SUPT3H: variants seen among roughly 807,000 people sequenced by gnomAD.
SUPT3H encodes the protein SPT3 homolog, SAGA and STAGA complex component, also known as transcription initiation protein SPT3 homolog.
In SUPT3H, 44 loss-of-function variants were observed where a neutral mutation model predicts 44.3. That is an observed-to-expected ratio of 0.99 (90% CI 0.78 to 1.28). The LOEUF is 1.28. Ranked by LOEUF, SUPT3H falls within the 50% of genes most tolerant of loss-of-function variation. The pLI, the probability that SUPT3H is intolerant of heterozygous loss-of-function variation, is 0.00. For missense variants in SUPT3H, 380 were observed against 387.1 expected (o/e 0.98, Z 0.15); for synonymous variants, 124 against 125.6 (o/e 0.99, Z 0.09).
chr6:45,181,828 G>A (rs1813271985), intron 2 of SUPT3H, among the ~76,000 whole-genome samples: 1 of 151,172 alleles, frequency 6.6e-6, no homozygotes, highest in East Asian at 1.9e-4. Context: ...TAACTAACCT[G>A]CACATTGTGC....
At chr6:45,195,627 ATTTG>A (rs1443640339) in intron 2 of SUPT3H, among the ~76,000 whole-genome samples, 1 of 152,152 alleles carries the variant, frequency 6.6e-6, no homozygotes, top group Non-Finnish European at 1.5e-5. Context: ...GATATGATCG[ATTTG>A]TTTTTCATTT....
intron 2 of SUPT3H, among the ~76,000 whole-genome samples, chr6:45,297,617 C>G (rs1170433380): frequency 3.3e-5 from 5 of 152,058 alleles, no homozygotes; most frequent in Non-Finnish European, 5.9e-5. Context: ...TTCTGGGAAC[C>G]AATAAATTGT....
rs139030428 is a variant in SUPT3H at position 44,950,266 on chromosome 6, G to C, written c.801+3044C>G. Among the ~76,000 whole-genome samples the C allele has an allele frequency of 2.1e-3, 325 of 152,224 alleles. 1 individual carries two copies. The highest frequency in any genetic ancestry group is 7.5e-3 in the African/African-American group (311 of 41,526). On this transcript the variant is annotated intron_variant, in intron 9 of 10. Coordinates refer to ENST00000371459, the MANE Select transcript of SUPT3H (RefSeq NM_003599.4). ...TTTAGACATGCTCCACTGTGTCAAT[G>C]TCCATTCTATAGGATGATGCCCAAT...
chr6:44,911,638 A>C (rs1320989815), intron 10 of SUPT3H, among the ~76,000 whole-genome samples: 1 of 152,216 alleles, frequency 6.6e-6, no homozygotes, highest in African/African-American at 2.4e-5. Flanking sequence ...ATTTTAAAGA[A>C]GGTATTCACA....
At chr6:45,263,628 TA>T (rs1039816714) in intron 2 of SUPT3H, among the ~76,000 whole-genome samples, 1 of 152,026 alleles carries the variant, frequency 6.6e-6, no homozygotes, top group Non-Finnish European at 1.5e-5. Context: ...CCCCTGAATC[TA>T]AAATAAAATT....
chr6:45,233,420 C>T (rs1435791878), intron 2 of SUPT3H, among the ~76,000 whole-genome samples: 3 of 152,200 alleles, frequency 2.0e-5, no homozygotes, highest in Non-Finnish European at 4.4e-5. Context: ...AGCGTGAGTA[C>T]CCTGTCCAGT....
intron 6 of SUPT3H, among the ~76,000 whole-genome samples, chr6:44,977,082 A>G (rs1778440275): frequency 6.6e-6 from 1 of 152,264 alleles, no homozygotes; most frequent in Admixed American, 6.5e-5. Flanking sequence ...GGCCTAGTTC[A>G]TAAGCAAGAA....
chr6:45,137,693 T>C (rs1804533870), intron 2 of SUPT3H, among the ~76,000 whole-genome samples: 1 of 151,812 alleles, frequency 6.6e-6, no homozygotes, highest in Non-Finnish European at 1.5e-5. Flanking sequence ...CTAAAAAATA[T>C]TTATTTAACA....
intron 3 of SUPT3H, among the ~76,000 whole-genome samples, chr6:45,102,895 T>C (rs746677150): frequency 4.0e-5 from 6 of 150,940 alleles, no homozygotes; most frequent in African/African-American, 1.2e-4. Flanking sequence ...GCCGAGATCA[T>C]GCCTCTGCAC....
chr6:45,040,292 T>C (rs558966048), intron 3 of SUPT3H, among the ~76,000 whole-genome samples: 2 of 152,278 alleles, frequency 1.3e-5, no homozygotes, highest in East Asian at 3.9e-4. Flanking sequence ...CCTGGTCTAC[T>C]GTAGTGTGGG....
intron 3 of SUPT3H, among the ~76,000 whole-genome samples, chr6:45,045,268 C>T (rs1054895818): frequency 4.6e-5 from 7 of 151,996 alleles, no homozygotes; most frequent in Admixed American, 4.6e-4. Context: ...TGAGAACTAC[C>T]GTTATAAGAA....
At chr6:45,224,397 CT>C (rs1332647635) in intron 2 of SUPT3H, among the ~76,000 whole-genome samples, 4 of 152,112 alleles carry the variant, frequency 2.6e-5, no homozygotes, top group Admixed American at 2.0e-4. Flanking sequence ...CACCTACATA[CT>C]GAGTTTACTA....
chr6:45,333,763 G>GA (rs1440167431), intron 2 of SUPT3H, among the ~76,000 whole-genome samples: 1 of 151,180 alleles, frequency 6.6e-6, no homozygotes, highest in Admixed American at 6.6e-5. Context: ...TACATGAAGA[G>GA]AAAAAAATTG....
At chr6:44,883,732 C>T (rs1401196119) in intron 10 of SUPT3H, among the ~76,000 whole-genome samples, 2 of 152,162 alleles carry the variant, frequency 1.3e-5, no homozygotes, top group South Asian at 2.1e-4. Flanking sequence ...CTACAACTAT[C>T]TGATCTTTGG....
chr6:44,931,252 T>C (rs1283420920), intron 10 of SUPT3H, among the ~76,000 whole-genome samples: 3 of 152,302 alleles, frequency 2.0e-5, no homozygotes, highest in African/African-American at 7.2e-5. Context: ...TATCTTTTAA[T>C]TGCTTCTAGA....
chr6:45,349,915 C>T (rs893523705), intron 2 of SUPT3H, among the ~76,000 whole-genome samples: 5 of 152,020 alleles, frequency 3.3e-5, no homozygotes, highest in Non-Finnish European at 5.9e-5. Flanking sequence ...TTCAGAAAAG[C>T]TAATTTCAAG....
At chr6:44,988,373 C>A (rs916549534) in intron 6 of SUPT3H, among the ~76,000 whole-genome samples, 1 of 151,232 alleles carries the variant, frequency 6.6e-6, no homozygotes, top group Non-Finnish European at 1.5e-5. Flanking sequence ...TGCAACAAAA[C>A]AACTAAAATA....
At chr6:44,818,806 C>A (rs538321638) in intron 11 of SUPT3H, among the ~76,000 whole-genome samples, 20 of 152,208 alleles carry the variant, frequency 1.3e-4, no homozygotes, top group African/African-American at 4.8e-4. Flanking sequence ...AGCAATACAC[C>A]AAATGCTGGA....
At chr6:45,005,891 A>G (rs1741207684) in intron 5 of SUPT3H, among the ~76,000 whole-genome samples, 1 of 152,140 alleles carries the variant, frequency 6.6e-6, no homozygotes, top group Non-Finnish European at 1.5e-5. Context: ...AATGTTCTGT[A>G]GATATATTGA....
Sources: allele counts gnomAD v4.1 joint callset (sites outside exome capture counted in the v4.1 genomes callset), GRCh38; gene constraint gnomAD v4.1.1; transcripts MANE v1.5; gene names NCBI Gene and HGNC (gene_info 2026-07-23, HGNC 2026-07-21).